NID1: variants seen among roughly 807,000 people sequenced by gnomAD.
NID1 encodes nidogen 1, also known as nidogen-1.
In NID1, 76 loss-of-function variants were observed where a neutral mutation model predicts 130.6. That is an observed-to-expected ratio of 0.58 (90% CI 0.48 to 0.70). The LOEUF (loss-of-function observed/expected upper bound fraction) is 0.70, where lower values mean the gene tolerates loss of function less well. NID1 is among the 30% of genes least tolerant of loss of function. NID1 has a pLI of 0.00. For missense variants in NID1, 1,517 were observed against 1,664.8 expected, an observed-to-expected ratio of 0.91 and a Z score of 1.54; for synonymous variants, 665 against 675.1, an observed-to-expected ratio of 0.98 and a Z score of 0.23.
In NID1 at chr1:236,032,666, CAAAG is replaced by C. The variant is rs1397961131; in HGVS notation, c.1286-18_1286-15del. 1 of 1,613,290 alleles carries C rather than the reference CAAAG, an allele frequency of 6.2e-7. No homozygotes were observed. Among genetic ancestry groups the C allele is most frequent in the African/African-American group, 1.3e-5 (1 of 74,848 alleles). On this transcript the variant is annotated splice_polypyrimidine_tract_variant and intron_variant, in intron 5 of 19. Transcript: ENST00000264187. ...GCTGGGGGGAACCTGAGCAAGAAAA[CAAAG>C]AAAGAATATAGAGATCACTTCCAAG...
rs535631020 is a variant in NID1, at chr1:236,014,945, G to A, written c.2255-1385C>T. 4.6e-5 allele frequency among the ~76,000 whole-genome samples: 7 copies of A among 152,286 alleles called. No individual in the cohort carries two copies. In the South Asian group the frequency reaches 1.5e-3, roughly 32 times the overall value. ...TTAACTGCAAAAGTTGGTTCCCAGT[G>A]GAAAAGAGAGTTATGAGTTTACAGA... On this transcript the variant is annotated intron_variant, in intron 10 of 19. Coordinates refer to ENST00000264187, the MANE Select transcript of NID1 (RefSeq NM_002508.3).
In NID1 at chr1:235,993,821, G is replaced by C. The variant is rs917113229; in HGVS notation, c.2579C>G (p.Ala860Gly). The change falls in exon 13 of 20, where the codon GCG becomes GGG. Residue 860 changes from alanine to glycine, a missense_variant. Ala to Gly is a moderately conservative substitution (Grantham distance 60). Coordinates refer to ENST00000264187, the MANE Select transcript of NID1 (RefSeq NM_002508.3). The part of the protein sequence containing the change: ...QHEREHILGA[A>G]GATDPQRPIP... ...GGGTCGCTGTGGGTCTGTCGCCCCC[G>C]CTGCCCCGAGAATGTGTTCTCGCTC... The C allele has an allele frequency of 5.6e-6, 9 of 1,613,924 alleles. No individual in the cohort carries two copies. The highest frequency in any genetic ancestry group is 3.3e-4 in the Middle Eastern group (2 of 6,084).
At chr1:235,998,346 C>T (rs1245049480) in intron 12 of NID1, among the ~76,000 whole-genome samples, 5 of 152,100 alleles carry the variant, frequency 3.3e-5, no homozygotes, top group African/African-American at 7.2e-5. Flanking sequence ...GTAGGAAGCA[C>T]CAAACAAAGA....
chr1:236,004,429 T>C (rs1172731577), intron 12 of NID1, among the ~76,000 whole-genome samples: 1 of 152,140 alleles, frequency 6.6e-6, no homozygotes, highest in Non-Finnish European at 1.5e-5. Context: ...CAGGCCAATG[T>C]AAAAACAGCA....
chr1:236,010,760 A>C (rs1003649481), intron 12 of NID1, among the ~76,000 whole-genome samples: 2 of 152,278 alleles, frequency 1.3e-5, no homozygotes, highest in African/African-American at 4.8e-5. Context: ...CCCATGGGCC[A>C]TAGTTTGCTA....
In NID1 at chr1:236,013,394, T is replaced by C. The variant is rs1658488675; in HGVS notation, c.2404+17A>G. 1 of 1,613,274 alleles carries C rather than the reference T, an allele frequency of 6.2e-7. No homozygotes were observed. The highest frequency in any genetic ancestry group is 2.2e-5 in the East Asian group (1 of 44,874). ...TTCTCAGGTTACACACAGGGGAAGA[T>C]CAGAGCAACCACACACCTTGGCAGG... On this transcript the variant is annotated intron_variant, in intron 11 of 19. Transcript: ENST00000264187.
intron 9 of NID1, 130 bp from the exon 10 acceptor site, chr1:236,017,403 G>A (rs76847571): frequency 1.3e-5 from 12 of 952,910 alleles, no homozygotes; most frequent in African/African-American, 6.9e-5. Context: ...TTTTTTTTCC[G>A]AGATGGAGTC....
chr1:236,044,471 C>T (rs1433647363), intron 3 of NID1, among the ~76,000 whole-genome samples: 1 of 152,068 alleles, frequency 6.6e-6, no homozygotes, highest in African/African-American at 2.4e-5. Flanking sequence ...CTGAACTCTT[C>T]AATGAGTGAC....
intron 1 of NID1, among the ~76,000 whole-genome samples, chr1:236,057,479 C>T (rs1324033699): frequency 6.6e-6 from 1 of 152,052 alleles, no homozygotes; most frequent in African/African-American, 2.4e-5. Context: ...CCTGTAATCC[C>T]AGCACTTTGG....
intron 9 of NID1, among the ~76,000 whole-genome samples, chr1:236,020,080 T>C (rs1241706102): frequency 6.9e-6 from 1 of 145,490 alleles, no homozygotes; most frequent in Non-Finnish European, 1.5e-5. Context: ...TTCTTTTCTA[T>C]AAATTGAAGC....
chr1:236,029,704 C>T lies in NID1; in HGVS notation c.1584G>A (p.Pro528=), dbSNP rs751478219. 6.8e-6 allele frequency: 11 copies of T among 1,614,088 alleles called. No individual in the cohort carries two copies. The highest frequency in any genetic ancestry group is 2.2e-5 in the East Asian group (1 of 44,878). ...ACCGCTGCTTAATGACCAGATTGCC[C>T]GGGTGCCCCACGAAGGTCACCTCAG... ...RQAEVTFVGH[P]GNLVIKQRFS... is the part of the protein sequence containing the mutation. Residue 528 remains proline (P), a synonymous_variant, in exon 7 of 20, where the codon CCG becomes CCA. Coordinates refer to ENST00000264187, the MANE Select transcript of NID1 (RefSeq NM_002508.3).
At chr1:236,027,828 C>G (rs1006124190) in intron 7 of NID1, among the ~76,000 whole-genome samples, 1 of 103,524 alleles carries the variant, frequency 9.7e-6, no homozygotes, top group East Asian at 3.0e-4. Context: ...GACCCTGTCT[C>G]AAAACAACAA....
chr1:236,038,980 T>C (rs1659357637), intron 4 of NID1, among the ~76,000 whole-genome samples: 1 of 83,682 alleles, frequency 1.2e-5, no homozygotes, highest in East Asian at 4.1e-4. Context: ...TATATGTAAA[T>C]ATGTACATAT....
intron 1 of NID1, among the ~76,000 whole-genome samples, chr1:236,058,834 G>C (rs529124879): frequency 8.6e-5 from 13 of 152,002 alleles, no homozygotes; most frequent in Non-Finnish European, 1.8e-4. Flanking sequence ...AAACAAACAG[G>C]GTCCTTTTAC....
chr1:236,041,222 C>A (rs577647378), intron 4 of NID1, among the ~76,000 whole-genome samples: 1 of 152,174 alleles, frequency 6.6e-6, no homozygotes, highest in South Asian at 2.1e-4. Flanking sequence ...CGTGTGTCAC[C>A]ACGCCCAGCT....
chr1:236,015,966 GT>G (rs1658584060), intron 10 of NID1, among the ~76,000 whole-genome samples: 1 of 152,126 alleles, frequency 6.6e-6, no homozygotes, highest in Non-Finnish European at 1.5e-5. Context: ...CTCCACACAG[GT>G]GTCCCAGGAT....
intron 1 of NID1, among the ~76,000 whole-genome samples, chr1:236,053,337 G>A (rs777283727): frequency 1.3e-5 from 2 of 152,116 alleles, no homozygotes; most frequent in African/African-American, 2.4e-5. Context: ...CAGTCAAATC[G>A]GTTTAGTTAT....
At chr1:236,013,696 C>G in intron 10 of NID1, 136 bp from the exon 11 acceptor site, 1 of 925,576 alleles carries the variant, frequency 1.1e-6, no homozygotes, top group Non-Finnish European at 1.6e-6. Context: ...CACCTGCACC[C>G]CACTCCTCAC....
At chr1:236,029,391 G>A (rs569447448) in intron 7 of NID1, among the ~76,000 whole-genome samples, 159 bp downstream of exon 7, 10 of 152,286 alleles carry the variant, frequency 6.6e-5, no homozygotes, top group Admixed American at 4.6e-4. Context: ...GGAGTAGTGC[G>A]TCCTATGTCT....
Sources: gnomAD v4.1 joint callset for allele counts (sites outside exome capture counted in the v4.1 genomes callset) on GRCh38, gnomAD v4.1.1 for gene constraint, MANE v1.5 for transcripts, NCBI Gene and HGNC (gene_info 2026-07-23, HGNC 2026-07-21) for gene names.